IPO8: variants seen among roughly 807,000 people sequenced by gnomAD.
The protein encoded by IPO8 is importin-8.
In IPO8, 65 loss-of-function variants were observed where a neutral mutation model predicts 141.2. The ratio of observed to expected loss-of-function variants is 0.46; its 90% CI spans 0.38 to 0.57. The LOEUF is 0.57. Among genes scored for constraint, IPO8 ranks in the 20% least tolerant of loss-of-function variants. The pLI, the probability that IPO8 is intolerant of heterozygous loss-of-function variation, is 0.00. For synonymous variants in IPO8, 411 were observed against 420.3 expected (o/e 0.98, Z 0.27); for missense variants, 980 against 1,246.8 (o/e 0.79, Z 3.22).
rs1315477722 is a variant in IPO8 at position 30,652,230 on chromosome 12, C to T, written c.2134G>A (p.Ala712Thr). 1 of 1,601,498 alleles carries T rather than the reference C, an allele frequency of 6.2e-7. No homozygotes were observed. The highest frequency in any genetic ancestry group is 1.7e-5 in the Admixed American group (1 of 59,676). Residue 712 changes from alanine (A) to threonine (T), a missense_variant, in exon 19 of 25, where the codon GCA (alanine) becomes ACA (threonine). Transcript: ENST00000256079. Reference protein sequence around the residue: ...TIDTDTLLSNAKHLEILFTMC... With the variant: ...TIDTDTLLSNTKHLEILFTMC... ...GTAAAAAGAATTTCTAAATGTTTTG[C>T]ATTTGATAGTAAGGTATCTGTATCT...
intron 17 of IPO8, among the ~76,000 whole-genome samples, chr12:30,655,816 A>G (rs1260639638): frequency 6.6e-6 from 1 of 152,224 alleles, no homozygotes; most frequent in African/African-American, 2.4e-5. Flanking sequence ...AAAAGCCTGG[A>G]GACAACTGCT....
At position 30,630,146 on chromosome 12, in the gene IPO8, T is replaced by C. The variant is rs553612800; in HGVS notation, c.*714A>G. 1 of 152,292 alleles carries C rather than the reference T, an allele frequency of 6.6e-6. No individual in the cohort carries two copies. Among genetic ancestry groups the C allele is most frequent in the East Asian group, 1.9e-4 (1 of 5,178 alleles). 9.4% of individuals were successfully genotyped at this position (152,292 alleles called of 1,614,324 possible). The stretch of plus-strand genomic sequence containing the variant: ...GGAGTGAAACTGATATGTGTATTTG[T>C]TGACCCCAAAAGAAATACCACCCCT... On this transcript the variant is annotated 3_prime_UTR_variant, in exon 25 of 25. Transcript: ENST00000256079.
At chr12:30,670,288 T>C (rs1476245614) in intron 9 of IPO8, among the ~76,000 whole-genome samples, 1 of 152,202 alleles carries the variant, frequency 6.6e-6, no homozygotes, top group Non-Finnish European at 1.5e-5. Flanking sequence ...ATTTTTCTTT[T>C]CAGATATCAT....
Position 30,665,839 on chromosome 12 carries a change from G to A in IPO8, c.1228C>T (p.Pro410Ser). ...TAAKKRKEVL[P>S]KMMAFCYQIL... is the part of the protein sequence containing the mutation. ...TGATAACAGAATGCCATCATTTTTGGCAACACCTAAAGAAACAGAAGAATC... is the reference window on the plus strand; with the variant it reads ...TGATAACAGAATGCCATCATTTTTGACAACACCTAAAGAAACAGAAGAATC... The change falls in exon 12 of 25, where the codon CCA (proline) becomes TCA (serine). Residue 410 changes from proline (P) to serine (S), a missense_variant. By Grantham distance (74) the Pro-to-Ser change is moderately conservative. Coordinates refer to ENST00000256079, the MANE Select transcript of IPO8 (RefSeq NM_006390.4). 1 of 1,606,812 alleles carries A rather than the reference G, an allele frequency of 6.2e-7. No individual in the cohort carries two copies. Among genetic ancestry groups the A allele is most frequent in the South Asian group, 1.1e-5 (1 of 90,870 alleles).
At chr12:30,656,779 A>T in intron 16 of IPO8, 29 bp from the exon 17 acceptor site, 1 of 1,088,402 alleles carries the variant, frequency 9.2e-7, no homozygotes. Context: ...TATTAAGCTT[A>T]AAATTATCAT....
At chr12:30,635,487 A>G (rs1180180104) in intron 22 of IPO8, among the ~76,000 whole-genome samples, 2 of 152,104 alleles carry the variant, frequency 1.3e-5, no homozygotes, top group African/African-American at 4.8e-5. Context: ...AAATAGCTAC[A>G]TGTCGCTTGA....
chr12:30,666,294 T>C (rs780271698), intron 10 of IPO8, 43 bp from the exon 11 acceptor site: 1 of 1,382,002 alleles, frequency 7.2e-7, no homozygotes, highest in Non-Finnish European at 1.0e-6. Context: ...GAAAATATAA[T>C]TACTTATTCT....
chr12:30,688,182 A>C (rs894244699), intron 2 of IPO8, among the ~76,000 whole-genome samples: 1 of 152,190 alleles, frequency 6.6e-6, no homozygotes, highest in Non-Finnish European at 1.5e-5. Flanking sequence ...CCTAAATTTA[A>C]GATAGGCTTC....
Position 30,681,775 on chromosome 12 carries a change from A to T in IPO8, c.366T>A (p.Asp122Glu). ...TMCLRAIIKH[D>E]FPGHWPGVVD... ...CCACTCCTGGCCAGTGACCAGGAAA[A>T]TCATGTTTTATGATGGCACGGAGAC... The change falls in exon 4 of 25, where the codon GAT becomes GAA. Residue 122 changes from aspartate to glutamate, a missense_variant. Asp to Glu is a conservative substitution (Grantham distance 45). Around this residue, in one of 3 missense-constraint regions of IPO8, gnomAD observed 924 missense variants for 1,153.9 expected, o/e 0.80. Coordinates refer to ENST00000256079, the MANE Select transcript of IPO8 (RefSeq NM_006390.4). The T allele has an allele frequency of 6.2e-7, 1 of 1,613,740 alleles. No homozygotes were observed. The highest frequency in any genetic ancestry group is 1.1e-5 in the South Asian group (1 of 91,058).
In IPO8 at chr12:30,630,612, G is replaced by T. The variant is rs3888018; in HGVS notation, c.*248C>A. 0.27 allele frequency: 125,473 copies of T among 469,054 alleles called. 17,814 individuals are homozygous for T. The highest frequency in any genetic ancestry group is 0.37 in the African/African-American group (18,533 of 49,676). The allele number at this position is 469,054 out of a possible 1,614,324, so 29.1% of individuals were successfully genotyped here. ...GGCATTCAGCCTTTGGAACATATGG[G>T]TTGTCCTTTTCCGTCCAATGATTGT... is the stretch of plus-strand genomic sequence containing the variant. On this transcript the variant is annotated 3_prime_UTR_variant, in exon 25 of 25. Transcript: ENST00000256079.
At chr12:30,677,011 C>A (rs1268216712) in intron 5 of IPO8, 1 of 1,528,900 alleles carries the variant, frequency 6.5e-7, no homozygotes, top group Non-Finnish European at 8.8e-7. Context: ...ATAATAACTA[C>A]AGTCCACTTT....
intron 16 of IPO8, among the ~76,000 whole-genome samples, chr12:30,658,304 T>C (rs976870502): frequency 2.0e-5 from 3 of 152,248 alleles, no homozygotes; most frequent in Non-Finnish European, 4.4e-5. Context: ...TAAGGAAATA[T>C]TGTTTTCAAA....
rs772601072 is a variant in IPO8 at position 30,631,931 on chromosome 12, C to G, written c.2980G>C (p.Val994Leu). ...SEDQRTALQE[V>L]YTLAEHRRTV... is the part of the protein sequence containing the mutation. ...CGTCGGTGCTCTGCCAGTGTGTACA[C>G]CTCCTGCAGTGCTGTCCTCTGATCC... The change falls in exon 24 of 25, where the codon GTG (valine) becomes CTG (leucine). Residue 994 changes from valine (V) to leucine (L), a missense_variant. Around this residue, in one of 3 missense-constraint regions of IPO8, gnomAD observed 924 missense variants for 1,153.9 expected, o/e 0.80. Coordinates refer to ENST00000256079, the MANE Select transcript of IPO8 (RefSeq NM_006390.4). 5.6e-6 allele frequency: 9 copies of G among 1,612,766 alleles called. No individual in the cohort carries two copies. The highest frequency in any genetic ancestry group is 7.6e-6 in the Non-Finnish European group (9 of 1,179,930).
intron 1 of IPO8, among the ~76,000 whole-genome samples, chr12:30,691,091 C>A (rs2053287218): frequency 6.6e-6 from 1 of 152,104 alleles, no homozygotes; most frequent in South Asian, 2.1e-4. Context: ...AAATCTCAAT[C>A]TTTTATTTGA....
At position 30,665,321 on chromosome 12, in the gene IPO8, C is replaced by A. The variant is rs779027895; in HGVS notation, c.1339-12G>T. On this transcript the variant is annotated splice_polypyrimidine_tract_variant and intron_variant, in intron 12 of 24. Coordinates refer to ENST00000256079, the MANE Select transcript of IPO8 (RefSeq NM_006390.4). ...TTGAATAAACTCTTCTATTAGGAAA[C>A]AAATTTCAACTTATCAATTTCTTTT... is the stretch of plus-strand genomic sequence containing the variant. 1 of 1,405,214 alleles carries A rather than the reference C, an allele frequency of 7.1e-7. No individual in the cohort carries two copies. Among genetic ancestry groups the A allele is most frequent in the South Asian group, 1.2e-5 (1 of 82,832 alleles). The allele number at this position is 1,405,214 out of a possible 1,614,324, so 87.0% of individuals were successfully genotyped here. A position where few individuals can be genotyped will look rare whatever the true frequency, so the allele number is the denominator to read the frequency against.
Position 30,665,865 on chromosome 12 carries a change from C to A in IPO8, c.1222-20G>T, listed in dbSNP as rs2052956904. 1 of 1,491,544 alleles carries A rather than the reference C, an allele frequency of 6.7e-7. No individual in the cohort carries two copies. The highest frequency in any genetic ancestry group is 9.3e-7 in the Non-Finnish European group (1 of 1,070,372). 92.4% of individuals were successfully genotyped at this position (1,491,544 alleles called of 1,614,324 possible). A position where few individuals can be genotyped will look rare whatever the true frequency, so the allele number is the denominator to read the frequency against. On this transcript the variant is annotated intron_variant, in intron 11 of 24. Coordinates refer to ENST00000256079, the MANE Select transcript of IPO8 (RefSeq NM_006390.4). Reference sequence around the variant, plus strand: ...CAACACCTAAAGAAACAGAAGAATCCATTTAGTCTACATGAACTTTCATTG... The same window carrying A: ...CAACACCTAAAGAAACAGAAGAATCAATTTAGTCTACATGAACTTTCATTG...
Position 30,687,788 on chromosome 12 carries a change from G to A in IPO8, c.166+2708C>T, listed in dbSNP as rs78755304. The stretch of plus-strand genomic sequence containing the variant: ...AGGTTCTGCACTCTGCAATGCTGAC[G>A]TCAATCTTAACAAATAACCTCTAAA... On this transcript the variant is annotated intron_variant, in intron 2 of 24. Transcript: ENST00000256079. Among the ~76,000 whole-genome samples the A allele has an allele frequency of 3.9e-3, 595 of 152,148 alleles. 3 individuals are homozygous for A. The highest frequency in any genetic ancestry group is 0.02 in the East Asian group (101 of 5,170).
chr12:30,679,198 G>A (rs1010188906), intron 5 of IPO8, among the ~76,000 whole-genome samples: 3 of 152,072 alleles, frequency 2.0e-5, no homozygotes, highest in Non-Finnish European at 4.4e-5. Flanking sequence ...TTTTACTTAT[G>A]TCAGCATTGT....
intron 21 of IPO8, among the ~76,000 whole-genome samples, chr12:30,638,535 A>G (rs1217072629): frequency 6.6e-6 from 1 of 152,202 alleles, no homozygotes; most frequent in Non-Finnish European, 1.5e-5. Context: ...TAAGAAGAAT[A>G]CTATTAATTT....
Sources: allele counts gnomAD v4.1 joint callset (sites outside exome capture counted in the v4.1 genomes callset), GRCh38; gene constraint gnomAD v4.1.1; regional missense constraint gnomAD v4.1.1; transcripts MANE v1.5; gene names NCBI Gene and HGNC (gene_info 2026-07-23, HGNC 2026-07-21).